Variants in JAZF1 observed in about 807,000 individuals in gnomAD.
JAZF1 encodes the protein JAZF zinc finger 1.
A neutral mutation model predicts 26.4 loss-of-function variants in JAZF1; 8 were observed. The ratio of observed to expected loss-of-function variants is 0.30; its 90% CI spans 0.18 to 0.55. JAZF1 has a LOEUF of 0.55. JAZF1 is among the 20% of genes least tolerant of loss of function. The probability of loss-of-function intolerance (pLI) is 0.94; values close to 1 mark genes in which losing one functional copy is unlikely to be tolerated. For synonymous variants in JAZF1, 126 were observed against 122.3 expected (o/e 1.03, Z -0.20); for missense variants, 199 against 322.0 (o/e 0.62, Z 2.92).
intron 1 of JAZF1, among the ~76,000 whole-genome samples, chr7:28,168,765 G>T (rs1182369683): frequency 6.6e-6 from 1 of 152,180 alleles, no homozygotes; most frequent in Non-Finnish European, 1.5e-5. Flanking sequence ...TACACCCACA[G>T]AACTGAAACC....
Position 28,146,114 on chromosome 7 carries a change from A to T in JAZF1, c.115+34349T>A, listed in dbSNP as rs563513615. 8.5e-5 allele frequency among the ~76,000 whole-genome samples: 13 copies of T among 152,328 alleles called. No homozygotes were observed. In the East Asian group the frequency reaches 2.3e-3, roughly 27 times the overall value. On this transcript the variant is annotated intron_variant, in intron 1 of 4. Coordinates refer to ENST00000283928, the MANE Select transcript of JAZF1 (RefSeq NM_175061.4). ...CAGAAATGTCAACACAGCTGTGGCC[A>T]CTTGGCCAGGAACAAAAATAGCACC...
chr7:27,860,281 T>C lies in JAZF1; in HGVS notation c.386-19414A>G, dbSNP rs1028214170. Among the ~76,000 whole-genome samples, 6 of 152,338 alleles carry C rather than the reference T, an allele frequency of 3.9e-5. No individual in the cohort carries two copies. In the East Asian group the frequency reaches 1.2e-3, roughly 29 times the overall value. ...TGTATAAATTAGCCTTTGGGAAAAT[T>C]GGTTCTGTTATATGTCATTTCACTT... is the stretch of plus-strand genomic sequence containing the variant. On this transcript the variant is annotated intron_variant, in intron 3 of 4. Transcript: ENST00000283928.
intron 2 of JAZF1, among the ~76,000 whole-genome samples, chr7:27,942,717 T>C (rs756531075): frequency 1.3e-5 from 2 of 152,150 alleles, no homozygotes; most frequent in Non-Finnish European, 2.9e-5. Flanking sequence ...CCACAATGCT[T>C]TTAGTAGAAA....
At chr7:28,057,303 C>T (rs1261651091) in intron 1 of JAZF1, among the ~76,000 whole-genome samples, 1 of 152,142 alleles carries the variant, frequency 6.6e-6, no homozygotes, top group Admixed American at 6.5e-5. Flanking sequence ...ATGAGGTTTT[C>T]AGAGATTATC....
chr7:27,924,019 G>C (rs1784573307), intron 2 of JAZF1, among the ~76,000 whole-genome samples: 1 of 152,150 alleles, frequency 6.6e-6, no homozygotes, highest in African/African-American at 2.4e-5. Flanking sequence ...TATTCTTGTG[G>C]GATGGGGACG....
intron 3 of JAZF1, among the ~76,000 whole-genome samples, chr7:27,845,139 A>G (rs1436972114): frequency 1.3e-5 from 2 of 152,236 alleles, no homozygotes; most frequent in African/African-American, 4.8e-5. Flanking sequence ...CTCTGTGTAA[A>G]AGAGAGGGGA....
intron 3 of JAZF1, among the ~76,000 whole-genome samples, chr7:27,874,719 ATC>A (rs67661800): frequency 0.98 from 149,408 of 152,274 alleles, 73,465 homozygotes; most frequent in Middle Eastern, 1. Context: ...TTTAATCGAG[ATC>A]CTTATCTGGG....
Position 28,022,208 on chromosome 7 carries a change from T to G in JAZF1, c.116-30227A>C, listed in dbSNP as rs552070574. On this transcript the variant is annotated intron_variant, in intron 1 of 4. Transcript: ENST00000283928. ...GTCACAACAATATTTTCTAAGAGAT[T>G]TGTTAAGAAAATTGGGTTTTCATCT... 2.6e-5 allele frequency among the ~76,000 whole-genome samples: 4 copies of G among 152,350 alleles called. No homozygotes were observed. In the Middle Eastern group the frequency reaches 0.01, roughly 389 times the overall value.
intron 1 of JAZF1, among the ~76,000 whole-genome samples, chr7:27,994,474 C>A (rs1195152715): frequency 6.8e-6 from 1 of 146,682 alleles, no homozygotes; most frequent in African/African-American, 2.6e-5. Flanking sequence ...AAAAAAAACA[C>A]ACACACACAA....
intron 2 of JAZF1, among the ~76,000 whole-genome samples, chr7:27,915,350 C>A (rs1208669669): frequency 6.6e-6 from 1 of 152,190 alleles, no homozygotes; most frequent in African/African-American, 2.4e-5. Flanking sequence ...CGAGTGCCTT[C>A]TTTCAGCTTA....
chr7:28,146,821 CT>C (rs1783034989), intron 1 of JAZF1, among the ~76,000 whole-genome samples: 1 of 148,238 alleles, frequency 6.7e-6, no homozygotes, highest in African/African-American at 2.5e-5. Flanking sequence ...CTTTGGAATT[CT>C]GGTTTTTTGC....
chr7:28,143,520 T>C (rs1180497298), intron 1 of JAZF1, among the ~76,000 whole-genome samples: 1 of 152,188 alleles, frequency 6.6e-6, no homozygotes, highest in East Asian at 1.9e-4. Flanking sequence ...CCTTTGGAGA[T>C]GATGTTCCAT....
At chr7:27,992,763 C>A (rs910077786) in intron 1 of JAZF1, among the ~76,000 whole-genome samples, 3 of 152,162 alleles carry the variant, frequency 2.0e-5, no homozygotes, top group African/African-American at 7.2e-5. Context: ...AATGAGCACA[C>A]AATTTTAATT....
intron 2 of JAZF1, among the ~76,000 whole-genome samples, chr7:27,907,745 T>C (rs150101065): frequency 3.6e-4 from 55 of 151,970 alleles, no homozygotes; most frequent in Admixed American, 1.2e-3. Flanking sequence ...TGAGAGGAGG[T>C]CTCAAATAGG....
intron 1 of JAZF1, among the ~76,000 whole-genome samples, chr7:28,179,222 C>G (rs1020100885): frequency 6.6e-6 from 1 of 152,236 alleles, no homozygotes; most frequent in Non-Finnish European, 1.5e-5. Context: ...CTAGCCCACG[C>G]AGGACAACTC....
At chr7:28,063,020 G>A (rs1212184326) in intron 1 of JAZF1, among the ~76,000 whole-genome samples, 1 of 152,078 alleles carries the variant, frequency 6.6e-6, no homozygotes, top group Non-Finnish European at 1.5e-5. Flanking sequence ...TTTGAATGAT[G>A]CAAGAAAACA....
At chr7:28,007,082 A>G (rs1273501028) in intron 1 of JAZF1, among the ~76,000 whole-genome samples, 1 of 152,144 alleles carries the variant, frequency 6.6e-6, no homozygotes, top group East Asian at 1.9e-4. Flanking sequence ...CTGCAATGGG[A>G]TGTCAACAGC....
chr7:27,869,805 C>CA (rs1270567936), intron 3 of JAZF1, among the ~76,000 whole-genome samples: 1 of 152,182 alleles, frequency 6.6e-6, no homozygotes, highest in African/African-American at 2.4e-5. Context: ...GTATTTCTAC[C>CA]AAGGGCTGAC....
chr7:27,857,785 C>T (rs1244605028), intron 3 of JAZF1, among the ~76,000 whole-genome samples: 1 of 152,194 alleles, frequency 6.6e-6, no homozygotes, highest in Non-Finnish European at 1.5e-5. Context: ...CAGCCAATAT[C>T]ATACTGAATG....
Sources: gnomAD v4.1 joint callset for allele counts (sites outside exome capture counted in the v4.1 genomes callset) on GRCh38, gnomAD v4.1.1 for gene constraint, MANE v1.5 for transcripts, NCBI Gene and HGNC (gene_info 2026-07-23, HGNC 2026-07-21) for gene names.